The following LZTS1 variants were observed in gnomAD, a reference collection of about 807,000 sequenced individuals.
LZTS1 encodes the protein leucine zipper tumor suppressor 1, also known as leucine zipper putative tumor suppressor 1.
Under a neutral mutation model 45.8 loss-of-function variants are expected in LZTS1, and 31 were observed. The ratio of observed to expected loss-of-function variants is 0.68; its 90% confidence interval spans 0.51 to 0.91. The LOEUF (loss-of-function observed/expected upper bound fraction) is 0.91, where lower values mean the gene tolerates loss of function less well. LZTS1 is among the 40% of genes least tolerant of loss of function. The pLI is 0.00. For missense variants in LZTS1, 821 were observed against 788.9 expected, an observed-to-expected ratio of 1.04 and a Z score of -0.49; for synonymous variants, 359 against 357.3, an observed-to-expected ratio of 1.00 and a Z score of -0.05.
At chr8:20,281,987 C>A (rs1800701843) in intron 1 of LZTS1, among the ~76,000 whole-genome samples, 1 of 152,110 alleles carries the variant, frequency 6.6e-6, no homozygotes, top group Non-Finnish European at 1.5e-5. Flanking sequence ...CCTGGCCACC[C>A]CCTGACCTTC....
At chr8:20,302,674 C>G (rs758743687) in intron 1 of LZTS1, among the ~76,000 whole-genome samples, 5 of 152,234 alleles carry the variant, frequency 3.3e-5, no homozygotes, top group Non-Finnish European at 7.3e-5. Flanking sequence ...CTCCTCAGTA[C>G]TTTCCCAGCG....
At position 20,262,446 on chromosome 8, in the gene LZTS1, TTGTG is replaced by T. The variant is rs67814062; in HGVS notation, c.-134-7135_-134-7132del. Among the ~76,000 whole-genome samples, 962 of 152,108 alleles carry T rather than the reference TTGTG, an allele frequency of 6.3e-3. 5 individuals carry two copies. Among genetic ancestry groups the T allele is most frequent in the African/African-American group, 0.011 (446 of 41,502 alleles). On this transcript the variant is annotated intron_variant, in intron 1 of 3. Transcript: ENST00000381569. The stretch of plus-strand genomic sequence containing the variant: ...AGTGTGTGTTCATGTGTGCACGTCT[TTGTG>T]TGTGCATGTGTGAACGTGTGTGTGT...
intron 1 of LZTS1, among the ~76,000 whole-genome samples, chr8:20,274,085 T>C (rs147431085): frequency 6.6e-6 from 1 of 152,262 alleles, no homozygotes; most frequent in African/African-American, 2.4e-5. Context: ...CCTTCCCGTA[T>C]CTGTGAGGCC....
chr8:20,281,695 A>G (rs910449235), intron 1 of LZTS1, among the ~76,000 whole-genome samples: 2 of 152,128 alleles, frequency 1.3e-5, no homozygotes, highest in African/African-American at 2.4e-5. Flanking sequence ...TGTTCCCTCT[A>G]TTACCATGTG....
chr8:20,283,679 A>G (rs966629233), intron 1 of LZTS1, among the ~76,000 whole-genome samples: 9 of 152,174 alleles, frequency 5.9e-5, no homozygotes, highest in Admixed American at 2.0e-4. Context: ...AGAGAAGGGA[A>G]TATGAGTTAT....
At position 20,256,988 on chromosome 8, in the gene LZTS1, G is replaced by A. The variant is rs116502231; in HGVS notation, c.-134-1673C>T. On this transcript the variant is annotated intron_variant, in intron 1 of 3. Transcript: ENST00000381569. ...AGGAGAAGTGAAAAAGAGCAGCAGA[G>A]AAGGTTTTCAGGGTGATGTCGATAT... is the stretch of plus-strand genomic sequence containing the variant. Among the ~76,000 whole-genome samples the A allele has an allele frequency of 4.4e-3, 667 of 152,260 alleles. 5 individuals are homozygous for A. The highest frequency in any genetic ancestry group is 0.015 in the African/African-American group (643 of 41,558).
In LZTS1 at chr8:20,255,125, C is replaced by A; in HGVS notation, c.57G>T (p.Arg19=). 6.2e-7 allele frequency: 1 copy of A among 1,614,148 alleles called. No homozygotes were observed. The highest frequency in any genetic ancestry group is 8.5e-7 in the Non-Finnish European group (1 of 1,180,038). The change falls in exon 2 of 4, where the codon CGG becomes CGT. Residue 19 remains arginine, a synonymous_variant. Transcript: ENST00000381569. ...ACTTGCGCAGCTTGTACTGCGAAGC[C>A]CGGCAGTGCTTGCTGTGGAAGCTGT... ...SGHSFHSKHC[R]ASQYKLRKSS... is the part of the protein sequence containing the mutation.
chr8:20,292,342 C>T (rs1344525589), intron 1 of LZTS1, among the ~76,000 whole-genome samples: 1 of 152,240 alleles, frequency 6.6e-6, no homozygotes, highest in East Asian at 1.9e-4. Context: ...TGTAGTGTCG[C>T]TCTATGGGTA....
In LZTS1 at chr8:20,251,128, TATATATATATATATATATATAA is replaced by T. The variant is rs1278606386; in HGVS notation, c.1150-787_1150-766del. ...ATATATATATATATATATATATATATATATATATATATATATATATAAAATATAAAGTATAAGAGTAGAGATT... is the reference window on the plus strand; with the variant it reads ...ATATATATATATATATATATATATATAATATAAAGTATAAGAGTAGAGATT... On this transcript the variant is annotated intron_variant, in intron 3 of 3. Coordinates refer to ENST00000381569, the MANE Select transcript of LZTS1 (RefSeq NM_021020.5). Among the ~76,000 whole-genome samples, 98 of 28,110 alleles carry T rather than the reference TATATATATATATATATATATAA, an allele frequency of 3.5e-3. 3 individuals are homozygous for T. Among genetic ancestry groups the T allele is most frequent in the East Asian group, 0.024 (11 of 454 alleles). The allele number at this position is 28,110 out of a possible 152,430, so 18.4% of individuals were successfully genotyped here.
At chr8:20,285,034 T>A (rs1468661849) in intron 1 of LZTS1, among the ~76,000 whole-genome samples, 1 of 152,140 alleles carries the variant, frequency 6.6e-6, no homozygotes, top group Non-Finnish European at 1.5e-5. Flanking sequence ...GAAAACGACA[T>A]AAAGAGCTCA....
In LZTS1 at chr8:20,248,823, C is replaced by T. The variant is rs1799804513; in HGVS notation, c.*899G>A. On this transcript the variant is annotated 3_prime_UTR_variant, in exon 4 of 4. Coordinates refer to ENST00000381569, the MANE Select transcript of LZTS1 (RefSeq NM_021020.5). ...CCAACGTGAAGCAGGTAGGGACTCC[C>T]AGCCTCTGGCCCCAGCTGGACAGAT... The T allele has an allele frequency of 1.3e-5, 2 of 152,548 alleles. No individual in the cohort carries two copies. Among genetic ancestry groups the T allele is most frequent in the Admixed American group, 6.6e-5 (1 of 15,266 alleles). 9.4% of individuals were successfully genotyped at this position (152,548 alleles called of 1,614,324 possible).
intron 1 of LZTS1, among the ~76,000 whole-genome samples, chr8:20,272,217 A>G (rs1800487381): frequency 6.6e-6 from 1 of 152,046 alleles, no homozygotes; most frequent in African/African-American, 2.4e-5. Flanking sequence ...ATCTCCCACT[A>G]TTTCAGGCTA....
Position 20,303,895 on chromosome 8 carries a change from G to T in LZTS1, c.-290C>A. 1 of 984,892 alleles carries T rather than the reference G, an allele frequency of 1.0e-6. No homozygotes were observed. Among genetic ancestry groups the T allele is most frequent in the Admixed American group, 6.2e-5 (1 of 16,242 alleles). 61.0% of individuals were successfully genotyped at this position (984,892 alleles called of 1,614,324 possible). A position where few individuals can be genotyped will look rare whatever the true frequency, so the allele number is the denominator to read the frequency against. The stretch of plus-strand genomic sequence containing the variant: ...GGCTCCCACTCACTGGCCGAGGCGG[G>T]CAGAGAAACTTTCGGCCTCCCCGCC... On this transcript the variant is annotated 5_prime_UTR_variant, in exon 1 of 4. Transcript: ENST00000381569.
intron 1 of LZTS1, among the ~76,000 whole-genome samples, chr8:20,279,969 CA>C (rs57894688): frequency 0.64 from 86,334 of 133,874 alleles, 28,366 homozygotes; most frequent in East Asian, 0.88. Flanking sequence ...AACCGTGTCT[CA>C]AAAAAAAAAA....
chr8:20,302,891 C>G (rs6992824), intron 1 of LZTS1, among the ~76,000 whole-genome samples: 1 of 152,110 alleles, frequency 6.6e-6, no homozygotes, highest in Non-Finnish European at 1.5e-5. Context: ...CAGTTCAAAC[C>G]TTTCCACTTG....
In LZTS1 at chr8:20,253,010, C is replaced by T; in HGVS notation, c.921G>A (p.Glu307=). The T allele has an allele frequency of 6.3e-7, 1 of 1,595,094 alleles. No individual in the cohort carries two copies. The highest frequency in any genetic ancestry group is 8.5e-7 in the Non-Finnish European group (1 of 1,172,032). ...ERPRRCRDEL[E]GPEPKGGNKL... Reference sequence around the variant, plus strand: ...TGTTGCCGCCTTTGGGCTCCGGGCCCTCCAGCTCGTCCCTGCAGCGCCGCG... The same window carrying T: ...TGTTGCCGCCTTTGGGCTCCGGGCCTTCCAGCTCGTCCCTGCAGCGCCGCG... The change falls in exon 3 of 4, where the codon GAG becomes GAA. Residue 307 remains glutamate, a synonymous_variant. Transcript: ENST00000381569.
Position 20,302,490 on chromosome 8 carries a change from C to T in LZTS1, c.-135+1250G>A, listed in dbSNP as rs146802163. 2.9e-3 allele frequency among the ~76,000 whole-genome samples: 448 copies of T among 152,318 alleles called. 4 individuals carry two copies. The highest frequency in any genetic ancestry group is 0.011 in the African/African-American group (440 of 41,580). The stretch of plus-strand genomic sequence containing the variant: ...AGCTCAGGTTGCAAACACCCTCTTG[C>T]CGGTACCCGCAGACTCTTCTCAGGG... On this transcript the variant is annotated intron_variant, in intron 1 of 3. Coordinates refer to ENST00000381569, the MANE Select transcript of LZTS1 (RefSeq NM_021020.5).
chr8:20,283,229 C>T (rs542449507), intron 1 of LZTS1, among the ~76,000 whole-genome samples: 7 of 152,250 alleles, frequency 4.6e-5, no homozygotes, highest in Non-Finnish European at 8.8e-5. Flanking sequence ...ATGCATATGT[C>T]GAAACTTAGT....
chr8:20,249,790 C>G lies in LZTS1; in HGVS notation c.1723G>C (p.Glu575Gln), dbSNP rs1799833073. ...QQLARGDSAGEPLEVDLEGAD... is the reference protein window; with the variant it reads ...QQLARGDSAGQPLEVDLEGAD... The stretch of plus-strand genomic sequence containing the variant: ...CCTTCCAGGTCAACCTCCAAGGGCT[C>G]CCCGGCGCTGTCCCCACGTGCCAGC... The change falls in exon 4 of 4, where the codon GAG becomes CAG. Residue 575 changes from glutamate (E) to glutamine (Q), a missense_variant. Transcript: ENST00000381569. 17 of 1,613,854 alleles carry G rather than the reference C, an allele frequency of 1.1e-5. No individual in the cohort carries two copies. Among genetic ancestry groups the G allele is most frequent in the Non-Finnish European group, 1.4e-5 (17 of 1,180,022 alleles).
Sources: allele counts gnomAD v4.1 joint callset (sites outside exome capture counted in the v4.1 genomes callset), GRCh38; gene constraint gnomAD v4.1.1; transcripts MANE v1.5; gene names NCBI Gene and HGNC (gene_info 2026-07-23, HGNC 2026-07-21).